Variants in SLC9A9 observed in about 807,000 individuals in gnomAD.
SLC9A9 encodes the protein sodium/hydrogen exchanger 9.
SLC9A9 carries 62 observed loss-of-function variants against 77.8 expected under a neutral mutation model. That is an observed-to-expected ratio of 0.80 (90% CI 0.65 to 0.98). The LOEUF (loss-of-function observed/expected upper bound fraction) is 0.98. Among genes scored for constraint, SLC9A9 ranks in the 50% least tolerant of loss-of-function variants. The pLI, the probability that SLC9A9 is intolerant of heterozygous loss-of-function variation, is 0.00. For synonymous variants in SLC9A9, 320 were observed against 283.5 expected (o/e 1.13, Z -1.29); for missense variants, 775 against 774.9 (o/e 1.00, Z 0.00).
chr3:143,668,555 T>C (rs1440664959), intron 5 of SLC9A9, among the ~76,000 whole-genome samples: 2 of 152,184 alleles, frequency 1.3e-5, no homozygotes, highest in African/African-American at 2.4e-5. Context: ...ATAAACACTT[T>C]CACTTCCTTT....
chr3:143,728,418 A>AG (rs1458771604), intron 4 of SLC9A9, among the ~76,000 whole-genome samples: 1 of 152,176 alleles, frequency 6.6e-6, no homozygotes, highest in Non-Finnish European at 1.5e-5. Context: ...ACAGGCCTTG[A>AG]GGCTAGAAGG....
intron 12 of SLC9A9, among the ~76,000 whole-genome samples, chr3:143,413,486 G>T (rs1307843649): frequency 6.6e-6 from 1 of 152,182 alleles, no homozygotes. Context: ...TGGAAATGGT[G>T]GTGGGGCAGT....
chr3:143,787,536 A>G (rs1300004055), intron 4 of SLC9A9, among the ~76,000 whole-genome samples: 1 of 152,212 alleles, frequency 6.6e-6, no homozygotes, highest in Non-Finnish European at 1.5e-5. Flanking sequence ...GAACATTTTG[A>G]AAAGATACCA....
chr3:143,307,426 A>G (rs986968397), intron 14 of SLC9A9, among the ~76,000 whole-genome samples: 1 of 152,246 alleles, frequency 6.6e-6, no homozygotes, highest in African/African-American at 2.4e-5. Flanking sequence ...TTCTGCACAT[A>G]TGATCTCTTG....
At chr3:143,526,759 T>A (rs1435005792) in intron 9 of SLC9A9, among the ~76,000 whole-genome samples, 1 of 152,242 alleles carries the variant, frequency 6.6e-6, no homozygotes, top group Non-Finnish European at 1.5e-5. Flanking sequence ...GTTTGAGGCT[T>A]TGAAAGATAT....
chr3:143,302,124 C>A (rs1234705286), intron 14 of SLC9A9, among the ~76,000 whole-genome samples: 1 of 152,112 alleles, frequency 6.6e-6, no homozygotes, highest in African/African-American at 2.4e-5. Flanking sequence ...TTTGTCACAG[C>A]GGGCCAGGAA....
chr3:143,380,464 G>T (rs1254225084), intron 13 of SLC9A9, among the ~76,000 whole-genome samples: 1 of 41,826 alleles, frequency 2.4e-5, no homozygotes, highest in Non-Finnish European at 4.7e-5. Flanking sequence ...TTAGATAAAA[G>T]TTTTCTTGAA....
intron 14 of SLC9A9, among the ~76,000 whole-genome samples, chr3:143,323,480 T>A (rs1325573137): frequency 6.6e-6 from 1 of 152,186 alleles, no homozygotes; most frequent in Middle Eastern, 3.2e-3. Flanking sequence ...GAAAGACAGA[T>A]ACTGCTTGTT....
At position 143,689,477 on chromosome 3, in the gene SLC9A9, C is replaced by A. The variant is rs375996296; in HGVS notation, c.649+3715G>T. Among the ~76,000 whole-genome samples the A allele has an allele frequency of 3.9e-5, 6 of 152,294 alleles. No individual in the cohort carries two copies. The South Asian group carries it at 1.2e-3, about 32-fold the overall frequency. The stretch of plus-strand genomic sequence containing the variant: ...GCAGTGACATGATCACAGTTCACTG[C>A]AGCCTCAGCCTTCTGGGCTCAAGTG... On this transcript the variant is annotated intron_variant, in intron 5 of 15. Coordinates refer to ENST00000316549, the MANE Select transcript of SLC9A9 (RefSeq NM_173653.4).
chr3:143,707,355 T>C (rs574555459), intron 4 of SLC9A9, among the ~76,000 whole-genome samples: 7 of 128,620 alleles, frequency 5.4e-5, no homozygotes, highest in Non-Finnish European at 9.6e-5. Flanking sequence ...GTACATTTTA[T>C]ATATTTTAAA....
intron 5 of SLC9A9, among the ~76,000 whole-genome samples, chr3:143,691,358 C>T (rs1311538061): frequency 1.3e-5 from 2 of 152,058 alleles, no homozygotes; most frequent in African/African-American, 2.4e-5. Flanking sequence ...GCATGAGCCA[C>T]CGCTCCCAGC....
chr3:143,275,881 G>A (rs886853099), intron 14 of SLC9A9, among the ~76,000 whole-genome samples: 3 of 151,966 alleles, frequency 2.0e-5, no homozygotes, highest in African/African-American at 4.8e-5. Flanking sequence ...TCACTTTTAC[G>A]TGAAATTCAT....
At chr3:143,322,156 G>A (rs1410884232) in intron 14 of SLC9A9, among the ~76,000 whole-genome samples, 1 of 152,084 alleles carries the variant, frequency 6.6e-6, no homozygotes, top group African/African-American at 2.4e-5. Context: ...AACTTGACAG[G>A]GACATGAGGT....
At chr3:143,539,977 AAATAT>A (rs554443955) in intron 9 of SLC9A9, among the ~76,000 whole-genome samples, 70 of 152,280 alleles carry the variant, frequency 4.6e-4, no homozygotes, top group African/African-American at 1.6e-3. Context: ...ATTTGGGGGA[AAATAT>A]AATAAAGAAA....
chr3:143,697,615 A>G (rs1933677453), intron 4 of SLC9A9, among the ~76,000 whole-genome samples: 1 of 152,120 alleles, frequency 6.6e-6, no homozygotes, highest in African/African-American at 2.4e-5. Context: ...AGGCAGCTGG[A>G]CACCAAAGCC....
intron 1 of SLC9A9, 145 bp downstream of exon 1, chr3:143,848,003 C>G (rs1405580239): frequency 2.3e-6 from 2 of 857,856 alleles, no homozygotes; most frequent in Admixed American, 2.1e-5. Flanking sequence ...GATTAGCATT[C>G]GTTACGCTGC....
At chr3:143,501,380 TAATTATA>T (rs546745291) in intron 9 of SLC9A9, among the ~76,000 whole-genome samples, 3 of 150,968 alleles carry the variant, frequency 2.0e-5, no homozygotes, top group African/African-American at 7.4e-5. Flanking sequence ...TGCATAATTT[TAATTATA>T]ATGAGGATAA....
chr3:143,793,960 C>T (rs1161798760), intron 4 of SLC9A9, among the ~76,000 whole-genome samples: 1 of 152,164 alleles, frequency 6.6e-6, no homozygotes, highest in Admixed American at 6.5e-5. Context: ...GGCTTGCAAA[C>T]CTCCCTTTTC....
chr3:143,409,910 C>G (rs1455043234), intron 12 of SLC9A9, among the ~76,000 whole-genome samples: 1 of 152,146 alleles, frequency 6.6e-6, no homozygotes, highest in African/African-American at 2.4e-5. Flanking sequence ...ACAATGAAAA[C>G]TTAGATTGAG....
Sources: gnomAD v4.1 joint callset for allele counts (sites outside exome capture counted in the v4.1 genomes callset) on GRCh38, gnomAD v4.1.1 for gene constraint, MANE v1.5 for transcripts, NCBI Gene and HGNC (gene_info 2026-07-23, HGNC 2026-07-21) for gene names.